Variants in MAP1B observed in about 807,000 individuals in gnomAD.
MAP1B encodes microtubule associated protein 1B, also known as microtubule-associated protein 1B.
A neutral mutation model predicts 176.1 loss-of-function variants in MAP1B; 12 were observed. The observed-to-expected ratio is 0.07, with a 90% CI of 0.04 to 0.11. The LOEUF is 0.11. Among genes scored for constraint, MAP1B ranks in the 10% least tolerant of loss-of-function variants. The pLI is 1.00. For missense variants in MAP1B, 2,523 were observed against 2,990.5 expected (o/e 0.84, Z 3.65); for synonymous variants, 1,044 against 1,135.0 (o/e 0.92, Z 1.61).
intron 4 of MAP1B, among the ~76,000 whole-genome samples, chr5:72,189,973 A>C (rs943656737): frequency 6.6e-5 from 10 of 152,204 alleles, no homozygotes; most frequent in Admixed American, 2.6e-4. Flanking sequence ...GCCCAGGTCC[A>C]GTGTTGACAG....
chr5:72,129,421 G>C (rs1745687213), intron 2 of MAP1B, among the ~76,000 whole-genome samples: 1 of 152,108 alleles, frequency 6.6e-6, no homozygotes, highest in Admixed American at 6.5e-5. Flanking sequence ...GCCAGGCGTG[G>C]TGGCAGGCAC....
chr5:72,192,988 T>A (rs1371502714), intron 4 of MAP1B, among the ~76,000 whole-genome samples: 1 of 152,228 alleles, frequency 6.6e-6, no homozygotes, highest in Admixed American at 6.5e-5. Flanking sequence ...TCTTAGCTGC[T>A]CACACCCAAC....
intron 2 of MAP1B, among the ~76,000 whole-genome samples, chr5:72,176,257 C>T (rs1172494006): frequency 6.6e-6 from 1 of 152,182 alleles, no homozygotes; most frequent in African/African-American, 2.4e-5. Flanking sequence ...GTTGGCTGAC[C>T]AGCAGCCAAC....
chr5:72,117,476 A>T (rs558768843), intron 2 of MAP1B, among the ~76,000 whole-genome samples: 1 of 152,316 alleles, frequency 6.6e-6, no homozygotes, highest in East Asian at 1.9e-4. Flanking sequence ...GACTGACTTT[A>T]TAGAGTGACA....
chr5:72,199,451 A>T lies in MAP1B; in HGVS notation c.6096A>T (p.Thr2032=). ...GYSYETSTKT[T]RTPDTSTYCY... ...CCTATGAGACATCTACAAAGACAACACGAACCCCTGATACTTCCACATACT... is the reference window on the plus strand; with the variant it reads ...CCTATGAGACATCTACAAAGACAACTCGAACCCCTGATACTTCCACATACT... Residue 2032 remains threonine (T), a synonymous_variant, in exon 5 of 7, where the codon ACA becomes ACT. Transcript: ENST00000296755. The surrounding 1 kb of genome is among the most constrained non-coding windows in gnomAD (Gnocchi z 4.2). 6.2e-7 allele frequency: 1 copy of T among 1,614,148 alleles called. No homozygotes were observed. The highest frequency in any genetic ancestry group is 8.5e-7 in the Non-Finnish European group (1 of 1,180,018).
At position 72,196,595 on chromosome 5, in the gene MAP1B, A is replaced by G. The variant is rs748299893; in HGVS notation, c.3240A>G (p.Glu1080=). 4 of 1,613,948 alleles carry G rather than the reference A, an allele frequency of 2.5e-6. No individual in the cohort carries two copies. The highest frequency in any genetic ancestry group is 4.5e-5 in the East Asian group (2 of 44,880). Residue 1080 remains glutamate, a synonymous_variant, in exon 5 of 7, where the codon GAA becomes GAG. Transcript: ENST00000296755. This position sits in a 1 kb window ranked among gnomAD's most constrained non-coding sequence, Gnocchi z 5.3. ...TAGGAGCCCAGTCTCCTGGCCGAGA[A>G]CCTGCATCTTCAATTCATGATGAGA... The part of the protein sequence containing the change: ...KQLGAQSPGR[E]PASSIHDETL...
intron 2 of MAP1B, among the ~76,000 whole-genome samples, chr5:72,146,961 CTTTTTT>C (rs549281263): frequency 7.4e-6 from 1 of 134,920 alleles, no homozygotes; most frequent in Non-Finnish European, 1.6e-5. Context: ...TCCAAATCTT[CTTTTTT>C]TTTTTTTTTT....
Position 72,194,937 on chromosome 5 carries a change from C to T in MAP1B, c.1582C>T (p.Pro528Ser), listed in dbSNP as rs748416481. 2.5e-6 allele frequency: 4 copies of T among 1,614,074 alleles called. No individual in the cohort carries two copies. The highest frequency in any genetic ancestry group is 3.4e-6 in the Non-Finnish European group (4 of 1,180,054). ...QKDLTGQVPT[P>S]VVKQTKLKQR... ...GGATCTCACTGGCCAGGTGCCCACTCCTGTGGTGAAACAAACAAAACTGAA... is the reference window on the plus strand; with the variant it reads ...GGATCTCACTGGCCAGGTGCCCACTTCTGTGGTGAAACAAACAAAACTGAA... The change falls in exon 5 of 7, where the codon CCT (proline) becomes TCT (serine). Residue 528 changes from proline to serine, a missense_variant. Coordinates refer to ENST00000296755, the MANE Select transcript of MAP1B (RefSeq NM_005909.5). The surrounding 1 kb of genome is among the most constrained non-coding windows in gnomAD (Gnocchi z 7.2).
Position 72,194,395 on chromosome 5 carries a change from A to G in MAP1B, c.1040A>G (p.Lys347Arg). 2 of 1,614,218 alleles carry G rather than the reference A, an allele frequency of 1.2e-6. No individual in the cohort carries two copies. Among genetic ancestry groups the G allele is most frequent in the South Asian group, 2.2e-5 (2 of 91,086 alleles). ...TCCACCACAAATAGTGACTGGATGAAAAACCTCATCTCCCCTGACTTAGGA... is the reference window on the plus strand; with the variant it reads ...TCCACCACAAATAGTGACTGGATGAGAAACCTCATCTCCCCTGACTTAGGA... Reference protein sequence around the residue: ...QGSTTNSDWMKNLISPDLGVV... With the variant: ...QGSTTNSDWMRNLISPDLGVV... The change falls in exon 5 of 7, where the codon AAA (lysine) becomes AGA (arginine). Residue 347 changes from lysine to arginine, a missense_variant. Physicochemically the swap from Lys to Arg is conservative, Grantham distance 26. Transcript: ENST00000296755. The surrounding 1 kb of genome is among the most constrained non-coding windows in gnomAD (Gnocchi z 7.2).
chr5:72,107,616 T>G lies in MAP1B; in HGVS notation c.85T>G (p.Ser29Ala). The G allele has an allele frequency of 1.3e-6, 2 of 1,599,530 alleles. No individual in the cohort carries two copies. The highest frequency in any genetic ancestry group is 1.7e-6 in the Non-Finnish European group (2 of 1,179,194). The change falls in exon 1 of 7, where the codon TCG becomes GCG. Residue 29 changes from serine (S) to alanine (A), a missense_variant. Around this residue, in one of 4 missense-constraint regions of MAP1B, gnomAD observed 307 missense variants for 438.4 expected, o/e 0.70. Coordinates refer to ENST00000296755, the MANE Select transcript of MAP1B (RefSeq NM_005909.5). ...GGCGGCGTCCACCTCGCCTAGCCTG[T>G]CGCACCGCTTCCTTGACAGCAAGTT... ...NPAASTSPSL[S>A]HRFLDSKFYL...
At position 72,208,408 on chromosome 5, in the gene MAP1B, G is replaced by A. The variant is rs1747500095; in HGVS notation, c.*3169G>A. ...AGCACTCATGATCATGACCTTTTTG[G>A]TAGTATTCTTAAACAAAATTCTACA... On this transcript the variant is annotated 3_prime_UTR_variant, in exon 7 of 7. Transcript: ENST00000296755. The A allele has an allele frequency of 6.6e-6, 1 of 152,044 alleles. No homozygotes were observed. Among genetic ancestry groups the A allele is most frequent in the Non-Finnish European group, 1.5e-5 (1 of 68,010 alleles). The allele number at this position is 152,044 out of a possible 1,614,324, so 9.4% of individuals were successfully genotyped here.
chr5:72,172,912 A>G (rs1746575163), intron 2 of MAP1B, among the ~76,000 whole-genome samples: 1 of 152,214 alleles, frequency 6.6e-6, no homozygotes, highest in South Asian at 2.1e-4. Context: ...GGGACCTCAA[A>G]CTCAGCATGC....
rs767198447 is a variant in MAP1B at position 72,194,306 on chromosome 5, G to C, written c.951G>C (p.Leu317Phe). The C allele has an allele frequency of 6.2e-6, 10 of 1,614,196 alleles. No homozygotes were observed. Among genetic ancestry groups the C allele is most frequent in the Middle Eastern group, 1.6e-4 (1 of 6,062 alleles). ...ILLTHIGDDNLPGINSMLQRK... is the reference protein window; with the variant it reads ...ILLTHIGDDNFPGINSMLQRK... ...TCACCCACATTGGGGATGACAATTT[G>C]CCTGGAATAAACAGCATGTTACAGC... Residue 317 changes from leucine (L) to phenylalanine (F), a missense_variant, in exon 5 of 7, where the codon TTG becomes TTC. By Grantham distance (22) the Leu-to-Phe change is conservative. Around this residue, in one of 4 missense-constraint regions of MAP1B, gnomAD observed 307 missense variants for 438.4 expected, o/e 0.70. Transcript: ENST00000296755. The surrounding 1 kb of genome is among the most constrained non-coding windows in gnomAD (Gnocchi z 7.2).
At chr5:72,144,563 T>G (rs1361947799) in intron 2 of MAP1B, among the ~76,000 whole-genome samples, 1 of 152,026 alleles carries the variant, frequency 6.6e-6, no homozygotes, top group Non-Finnish European at 1.5e-5. Flanking sequence ...CCAGCTAATT[T>G]TTTAATTTTT....
rs940010969 is a variant in MAP1B at position 72,206,310 on chromosome 5, A to T, written c.*1071A>T. The T allele has an allele frequency of 6.5e-6, 1 of 152,686 alleles. No individual in the cohort carries two copies. Among genetic ancestry groups the T allele is most frequent in the African/African-American group, 2.4e-5 (1 of 41,458 alleles). The allele number at this position is 152,686 out of a possible 1,614,324, so 9.5% of individuals were successfully genotyped here. ...CACGTGGGTGAGCGTGTGTGGGGGT[A>T]CTAGAAGCTGATCTGATTGGTCCAA... On this transcript the variant is annotated 3_prime_UTR_variant, in exon 7 of 7. Transcript: ENST00000296755.
chr5:72,187,794 C>T (rs944793742), intron 4 of MAP1B, among the ~76,000 whole-genome samples: 3 of 152,164 alleles, frequency 2.0e-5, no homozygotes, highest in Admixed American at 6.5e-5. Context: ...CACCTGGAGG[C>T]TTCTTTAAAA....
chr5:72,155,690 C>T (rs913707510), intron 2 of MAP1B, among the ~76,000 whole-genome samples: 8 of 151,922 alleles, frequency 5.3e-5, no homozygotes, highest in Non-Finnish European at 1.2e-4. Flanking sequence ...TAACAGTTTC[C>T]TCTCTAGTCT....
intron 2 of MAP1B, chr5:72,179,790 G>T: frequency 3.0e-6 from 3 of 985,470 alleles, no homozygotes; most frequent in Non-Finnish European, 3.6e-6. Context: ...AGCAGCCATG[G>T]CATCTTGGTG....
At chr5:72,127,688 G>T (rs138133517) in intron 2 of MAP1B, among the ~76,000 whole-genome samples, 2 of 152,132 alleles carry the variant, frequency 1.3e-5, no homozygotes, top group African/African-American at 4.8e-5. Context: ...ATAACAGAAA[G>T]AAATAATTTA....
Sources: allele counts gnomAD v4.1 joint callset (sites outside exome capture counted in the v4.1 genomes callset), GRCh38; gene constraint gnomAD v4.1.1; regional missense constraint gnomAD v4.1.1; non-coding constraint Gnocchi (gnomAD v3.1); transcripts MANE v1.5; gene names NCBI Gene and HGNC (gene_info 2026-07-23, HGNC 2026-07-21).